CNTN2: variants seen among roughly 807,000 people sequenced by gnomAD.
CNTN2 encodes the protein contactin 2.
In CNTN2, 53 loss-of-function variants were observed where a neutral mutation model predicts 117.5. That is an observed-to-expected ratio of 0.45 (90% CI 0.36 to 0.57). The LOEUF is 0.57. Ranked by LOEUF, CNTN2 falls within the 20% of genes least tolerant of loss-of-function variation. The probability of loss-of-function intolerance (pLI) is 0.00; values close to 1 mark genes in which losing one functional copy is unlikely to be tolerated. For missense variants in CNTN2, 1,106 were observed against 1,404.3 expected, an observed-to-expected ratio of 0.79 and a Z score of 3.39; for synonymous variants, 530 against 561.7, an observed-to-expected ratio of 0.94 and a Z score of 0.80.
Position 205,058,175 on chromosome 1 carries a change from C to A in CNTN2, c.216-6C>A, listed in dbSNP as rs540154158. ...AGAGGTCCCCTTCCTCTGTCCCCTG[C>A]TGCAGGTGGAAGATGAATGGTACCG... On this transcript the variant is annotated splice_region_variant and splice_polypyrimidine_tract_variant and intron_variant, in intron 3 of 22. Transcript: ENST00000331830. The surrounding 1 kb of genome is among the most constrained non-coding windows in gnomAD (Gnocchi z 4.3). 1.9e-6 allele frequency: 3 copies of A among 1,590,110 alleles called. No homozygotes were observed.
chr1:205,073,153 T>C lies in CNTN2; in HGVS notation c.2930T>C (p.Ile977Thr), dbSNP rs1440789175. 6.2e-7 allele frequency: 1 copy of C among 1,613,912 alleles called. No individual in the cohort carries two copies. The highest frequency in any genetic ancestry group is 8.5e-7 in the Non-Finnish European group (1 of 1,179,984). ...NWIEIPVPED[I>T]GHALVQIRTT... is the part of the protein sequence containing the mutation. ...ATAGAAATCCCAGTGCCTGAAGACA[T>C]TGGCCATGCCCTGGTACAAATTCGG... is the stretch of plus-strand genomic sequence containing the variant. Residue 977 changes from isoleucine to threonine, a missense_variant, in exon 22 of 23, where the codon ATT becomes ACT. Transcript: ENST00000331830. The surrounding 1 kb of genome is among the most constrained non-coding windows in gnomAD (Gnocchi z 6.3).
intron 15 of CNTN2, among the ~76,000 whole-genome samples, chr1:205,066,860 G>A (rs1654318944): frequency 6.6e-6 from 1 of 152,184 alleles, no homozygotes; most frequent in Admixed American, 6.5e-5. Context: ...ATTGTTACTG[G>A]AGCAATGAAA....
intron 20 of CNTN2, 36 bp downstream of exon 20, chr1:205,072,169 AT>A (rs1467159491): frequency 6.4e-7 from 1 of 1,561,490 alleles, no homozygotes; most frequent in African/African-American, 1.4e-5. Flanking sequence ...GTAGGGCAAT[AT>A]TTTGGAGGGT....
chr1:205,068,899 C>G (rs1654438411), intron 16 of CNTN2: 1 of 152,232 alleles, frequency 6.6e-6, no homozygotes, highest in African/African-American at 2.4e-5. Flanking sequence ...AAATAAATTC[C>G]TGTTTTAATA....
chr1:205,062,542 T>C lies in CNTN2; in HGVS notation c.1213T>C (p.Tyr405His). 6.2e-7 allele frequency: 1 copy of C among 1,613,956 alleles called. No homozygotes were observed. Among genetic ancestry groups the C allele is most frequent in the Non-Finnish European group, 8.5e-7 (1 of 1,179,906 alleles). Reference sequence around the variant, plus strand: ...GGCAGAGAATAAGCACGGTACCATCTACGCCAGCGCCGAGCTAGCCGTGCA... The same window carrying C: ...GGCAGAGAATAAGCACGGTACCATCCACGCCAGCGCCGAGCTAGCCGTGCA... ...CVAENKHGTI[Y>H]ASAELAVQAL... Residue 405 changes from tyrosine to histidine, a missense_variant, in exon 10 of 23, where the codon TAC becomes CAC. Coordinates refer to ENST00000331830, the MANE Select transcript of CNTN2 (RefSeq NM_005076.5).
chr1:205,058,091 G>T lies in CNTN2; in HGVS notation c.215+26G>T, dbSNP rs772902830. 6.2e-7 allele frequency: 1 copy of T among 1,610,108 alleles called. No homozygotes were observed. Among genetic ancestry groups the T allele is most frequent in the Non-Finnish European group, 8.5e-7 (1 of 1,178,416 alleles). On this transcript the variant is annotated intron_variant, in intron 3 of 22. Transcript: ENST00000331830. The surrounding 1 kb of genome is among the most constrained non-coding windows in gnomAD (Gnocchi z 4.3). ...GTAAGGCCTCTGCAGTGGGTGCTGGGAGGCCCTGGGCAGCCGTTGAACTTT... is the reference window on the plus strand; with the variant it reads ...GTAAGGCCTCTGCAGTGGGTGCTGGTAGGCCCTGGGCAGCCGTTGAACTTT...
rs1476802595 is a variant in CNTN2, at chr1:205,075,683, C to A, written c.*1918C>A. Reference sequence around the variant, plus strand: ...TTTCCCTGCCACAGCCAAACCCCCACTGCACCCTACCCACCCACCCCTAGC... The same window carrying A: ...TTTCCCTGCCACAGCCAAACCCCCAATGCACCCTACCCACCCACCCCTAGC... On this transcript the variant is annotated 3_prime_UTR_variant, in exon 23 of 23. Transcript: ENST00000331830. 1.3e-5 allele frequency: 2 copies of A among 152,180 alleles called. No homozygotes were observed. The highest frequency in any genetic ancestry group is 4.8e-5 in the African/African-American group (2 of 41,404). The allele number at this position is 152,180 out of a possible 1,614,324, so 9.4% of individuals were successfully genotyped here.
chr1:205,059,731 A>C lies in CNTN2; in HGVS notation c.797+49A>C. On this transcript the variant is annotated intron_variant, in intron 7 of 22. Transcript: ENST00000331830. This position sits in a 1 kb window ranked among gnomAD's most constrained non-coding sequence, Gnocchi z 5.6. ...GCAGAGCACGGTCTCTCGGGGGCAC[A>C]GGTGACCCCAGGGTGAGGGCAGGCA... The C allele has an allele frequency of 1.2e-5, 18 of 1,496,522 alleles. No homozygotes were observed. The highest frequency in any genetic ancestry group is 1.5e-5 in the Non-Finnish European group (16 of 1,075,048). The allele number at this position is 1,496,522 out of a possible 1,614,324, so 92.7% of individuals were successfully genotyped here. A position where few individuals can be genotyped will look rare whatever the true frequency, so the allele number is the denominator to read the frequency against.
rs781200593 is a variant in CNTN2 at position 205,073,017 on chromosome 1, A to T, written c.2845-51A>T. The stretch of plus-strand genomic sequence containing the variant: ...AGTACCTAAAGCTGGGGATGACTCA[A>T]CGATCAGCCCTGGTGTCAGGAAACT... On this transcript the variant is annotated intron_variant, in intron 21 of 22. Coordinates refer to ENST00000331830, the MANE Select transcript of CNTN2 (RefSeq NM_005076.5). This position sits in a 1 kb window ranked among gnomAD's most constrained non-coding sequence, Gnocchi z 6.3. The T allele has an allele frequency of 5.0e-6, 8 of 1,598,162 alleles. No individual in the cohort carries two copies. Among genetic ancestry groups the T allele is most frequent in the Non-Finnish European group, 6.8e-6 (8 of 1,169,780 alleles).
Position 205,065,655 on chromosome 1 carries a change from A to G in CNTN2, c.1696-134A>G, listed in dbSNP as rs1654242422. 1 of 1,131,812 alleles carries G rather than the reference A, an allele frequency of 8.8e-7. No homozygotes were observed. Among genetic ancestry groups the G allele is most frequent in the Non-Finnish European group, 1.3e-6 (1 of 797,568 alleles). 70.1% of individuals were successfully genotyped at this position (1,131,812 alleles called of 1,614,324 possible). A position where few individuals can be genotyped will look rare whatever the true frequency, so the allele number is the denominator to read the frequency against. ...TGATTCCTCCCATTGAGCAGACAGG[A>G]AAACTGAGATCCAGTGGGGTCCATG... is the stretch of plus-strand genomic sequence containing the variant. On this transcript the variant is annotated intron_variant, in intron 13 of 22. Coordinates refer to ENST00000331830, the MANE Select transcript of CNTN2 (RefSeq NM_005076.5). This position sits in a 1 kb window ranked among gnomAD's most constrained non-coding sequence, Gnocchi z 4.1.
At chr1:205,050,972 G>A (rs2096451764) in intron 1 of CNTN2, among the ~76,000 whole-genome samples, 1 of 152,212 alleles carries the variant, frequency 6.6e-6, no homozygotes, top group African/African-American at 2.4e-5. Context: ...AGTAGAATAG[G>A]TGTATTAAAT....
At position 205,073,994 on chromosome 1, in the gene CNTN2, CA is replaced by C. The variant is rs1654735928; in HGVS notation, c.*230del. The stretch of plus-strand genomic sequence containing the variant: ...TTGAGAGGCACCAGGCAGTAACTTC[CA>C]TGATGACACTGACGCCTATACCTGA... On this transcript the variant is annotated 3_prime_UTR_variant, in exon 23 of 23. Coordinates refer to ENST00000331830, the MANE Select transcript of CNTN2 (RefSeq NM_005076.5). The surrounding 1 kb of genome is among the most constrained non-coding windows in gnomAD (Gnocchi z 6.3). 6.7e-6 allele frequency: 4 copies of C among 599,418 alleles called. No homozygotes were observed. Among genetic ancestry groups the C allele is most frequent in the Non-Finnish European group, 8.9e-6 (3 of 336,686 alleles). The allele number at this position is 599,418 out of a possible 1,614,324, so 37.1% of individuals were successfully genotyped here.
chr1:205,053,231 G>T lies in CNTN2; in HGVS notation c.46G>T (p.Ala16Ser). The change falls in exon 2 of 23, where the codon GCT becomes TCT. Residue 16 changes from alanine to serine, a missense_variant. Coordinates refer to ENST00000331830, the MANE Select transcript of CNTN2 (RefSeq NM_005076.5). ...GAAGCCACACCTGCTGCTGGTAGCT[G>T]CTGTGGCCCTTGTCTCCTCTTCAGG... ...RRKPHLLLVA[A>S]VALVSSSAWS... 2 of 1,612,932 alleles carry T rather than the reference G, an allele frequency of 1.2e-6. No homozygotes were observed. The highest frequency in any genetic ancestry group is 2.2e-5 in the South Asian group (2 of 90,804).
chr1:205,062,163 G>A (rs935246208), intron 9 of CNTN2, 162 bp downstream of exon 9: 7 of 933,020 alleles, frequency 7.5e-6, no homozygotes, highest in Admixed American at 3.0e-5. Context: ...TCCCATCCCA[G>A]TCCCATTGTC....
chr1:205,074,884 G>C lies in CNTN2; in HGVS notation c.*1119G>C, dbSNP rs1177945955. The C allele has an allele frequency of 2.5e-6, 1 of 398,536 alleles. No homozygotes were observed. The highest frequency in any genetic ancestry group is 4.4e-6 in the Non-Finnish European group (1 of 226,126). The allele number at this position is 398,536 out of a possible 1,614,324, so 24.7% of individuals were successfully genotyped here. On this transcript the variant is annotated 3_prime_UTR_variant, in exon 23 of 23. Transcript: ENST00000331830. ...TACCTAGGACCACCTGGCCAGATCC[G>C]CTCCCAGACGGCCTTGGACTGCTTG...
chr1:205,043,731 C>T (rs1053033793), intron 1 of CNTN2, among the ~76,000 whole-genome samples: 46 of 152,284 alleles, frequency 3.0e-4, no homozygotes, highest in African/African-American at 1.0e-3. Context: ...TCTCCTGGGC[C>T]GGCCCTGGGC....
chr1:205,052,574 AG>A (rs1268503245), intron 1 of CNTN2, among the ~76,000 whole-genome samples: 9 of 152,174 alleles, frequency 5.9e-5, no homozygotes, highest in African/African-American at 2.2e-4. Context: ...TGGACAAATC[AG>A]TGAGACCCCT....
intron 1 of CNTN2, among the ~76,000 whole-genome samples, chr1:205,050,738 C>A (rs541897314): frequency 1.6e-4 from 25 of 152,314 alleles, no homozygotes; most frequent in African/African-American, 6.0e-4. Context: ...CATGCCTCAG[C>A]CTCCCGAGTA....
chr1:205,070,172 G>A, intron 18 of CNTN2, 111 bp downstream of exon 18: 1 of 1,048,098 alleles, frequency 9.5e-7, no homozygotes, highest in Non-Finnish European at 1.4e-6. Flanking sequence ...GGAGGAGGTT[G>A]AGAGGACACC....
Sources: gnomAD v4.1 joint callset for allele counts (sites outside exome capture counted in the v4.1 genomes callset) on GRCh38, gnomAD v4.1.1 for gene constraint, Gnocchi (gnomAD v3.1) non-coding constraint, MANE v1.5 for transcripts, NCBI Gene and HGNC (gene_info 2026-07-23, HGNC 2026-07-21) for gene names.